The following HIVEP3 variants were observed in gnomAD, a reference collection of about 807,000 sequenced individuals.
HIVEP3 encodes HIVEP zinc finger 3.
Under a neutral mutation model 152.8 loss-of-function variants are expected in HIVEP3, and 49 were observed. That is an observed-to-expected ratio of 0.32 (90% CI 0.26 to 0.41). HIVEP3 has a LOEUF of 0.41. Among genes scored for constraint, HIVEP3 ranks in the 10% least tolerant of loss-of-function variants. The pLI is 1.00. For missense variants in HIVEP3, 2,790 were observed against 3,103.3 expected (o/e 0.90, Z 2.40); for synonymous variants, 1,269 against 1,289.0 (o/e 0.98, Z 0.33).
chr1:41,867,387 TATAA>T (rs1216443784), intron 1 of HIVEP3, among the ~76,000 whole-genome samples: 5 of 152,182 alleles, frequency 3.3e-5, no homozygotes, highest in Non-Finnish European at 5.9e-5. Flanking sequence ...TGAGGTGCCA[TATAA>T]AAACAGGCGG....
intron 1 of HIVEP3, among the ~76,000 whole-genome samples, chr1:41,711,880 T>G (rs1467020286): frequency 7.9e-5 from 12 of 152,210 alleles, no homozygotes; most frequent in Admixed American, 7.8e-4. Context: ...TAATTGCTCA[T>G]AAAAGGGAAG....
chr1:41,817,071 C>T (rs1191619352), intron 1 of HIVEP3, among the ~76,000 whole-genome samples: 1 of 152,234 alleles, frequency 6.6e-6, no homozygotes, highest in East Asian at 1.9e-4. Flanking sequence ...GCAGGGATTA[C>T]ATCACTCACT....
rs78299700 is a variant in HIVEP3 at position 41,949,478 on chromosome 1, G to A, written n.120-30954C>T. ...AAGAGCTTTAGACTTTAGGCTAATCGCCAAAAGAGGGGGAACCTGTTTATT... is the reference window on the plus strand; with the variant it reads ...AAGAGCTTTAGACTTTAGGCTAATCACCAAAAGAGGGGGAACCTGTTTATT... On this transcript the variant is annotated intron_variant and non_coding_transcript_variant, in intron 1 of 3. Transcript: ENST00000489103. Among the ~76,000 whole-genome samples the A allele has an allele frequency of 2.2e-4, 34 of 152,230 alleles. No individual in the cohort carries two copies. The East Asian group carries it at 5.4e-3, about 24-fold the overall frequency.
chr1:41,549,810 C>T (rs1329366301), intron 5 of HIVEP3, among the ~76,000 whole-genome samples: 5 of 152,064 alleles, frequency 3.3e-5, no homozygotes, highest in African/African-American at 1.2e-4. Flanking sequence ...AAAATTTTCT[C>T]CAATTTTGTA....
chr1:41,689,010 T>C (rs1462911395), intron 2 of HIVEP3, among the ~76,000 whole-genome samples: 1 of 152,214 alleles, frequency 6.6e-6, no homozygotes, highest in African/African-American at 2.4e-5. Context: ...CTTAGGACAC[T>C]GTATTTCCAA....
chr1:41,521,366 A>G (rs981585060), intron 6 of HIVEP3, among the ~76,000 whole-genome samples: 1 of 152,230 alleles, frequency 6.6e-6, no homozygotes, highest in Non-Finnish European at 1.5e-5. Context: ...AGAAGGCACC[A>G]GGGAGCCCCC....
intron 1 of HIVEP3, among the ~76,000 whole-genome samples, chr1:41,759,449 C>T (rs1341945503): frequency 6.6e-6 from 1 of 152,110 alleles, no homozygotes; most frequent in Non-Finnish European, 1.5e-5. Flanking sequence ...GTTATTTCCA[C>T]CTTTTGGCTA....
At chr1:41,646,201 T>C (rs1372981009) in intron 2 of HIVEP3, among the ~76,000 whole-genome samples, 1 of 152,114 alleles carries the variant, frequency 6.6e-6, no homozygotes, top group Non-Finnish European at 1.5e-5. Context: ...AGGAGAGCAG[T>C]GTCTTCAAAG....
chr1:41,796,042 C>T (rs753173999), intron 1 of HIVEP3, among the ~76,000 whole-genome samples: 8 of 152,114 alleles, frequency 5.3e-5, no homozygotes, highest in East Asian at 1.9e-4. Flanking sequence ...GCTCTTTCAG[C>T]GGACAGAACT....
At chr1:41,655,414 C>G (rs1645613520) in intron 2 of HIVEP3, among the ~76,000 whole-genome samples, 1 of 151,954 alleles carries the variant, frequency 6.6e-6, no homozygotes, top group Non-Finnish European at 1.5e-5. Flanking sequence ...GAAACCCTGT[C>G]TCTACTAAAC....
chr1:41,889,364 G>A (rs1181216759), intron 1 of HIVEP3, among the ~76,000 whole-genome samples: 3 of 152,150 alleles, frequency 2.0e-5, no homozygotes, highest in Non-Finnish European at 2.9e-5. Flanking sequence ...AGGAGTTGTG[G>A]AGTCACTGAC....
At chr1:41,758,845 C>T (rs1647482140) in intron 1 of HIVEP3, among the ~76,000 whole-genome samples, 1 of 152,156 alleles carries the variant, frequency 6.6e-6, no homozygotes, top group South Asian at 2.1e-4. Flanking sequence ...TCTTAGACAC[C>T]TCCCTTTTAG....
chr1:41,599,624 G>C (rs1644716968), intron 3 of HIVEP3, among the ~76,000 whole-genome samples: 2 of 152,110 alleles, frequency 1.3e-5, no homozygotes, highest in Non-Finnish European at 2.9e-5. Context: ...TAAAACTATA[G>C]AACTCTTAGA....
chr1:41,686,621 A>G (rs973506203), intron 2 of HIVEP3, among the ~76,000 whole-genome samples: 6 of 152,128 alleles, frequency 3.9e-5, no homozygotes, highest in Non-Finnish European at 7.4e-5. Flanking sequence ...ACTGACTGGA[A>G]CCATGCAAAA....
Position 41,998,810 on chromosome 1 carries a change from T to A in HIVEP3, n.119+36997A>T, listed in dbSNP as rs184976044. Among the ~76,000 whole-genome samples, 300 of 152,154 alleles carry A rather than the reference T, an allele frequency of 2.0e-3. 1 individual carries two copies. The highest frequency in any genetic ancestry group is 6.7e-3 in the African/African-American group (279 of 41,512). ...AGCTATCATTATCACTTCCTTCATGTGATTTTGCCACTCTTATTTTGATAG... is the reference window on the plus strand; with the variant it reads ...AGCTATCATTATCACTTCCTTCATGAGATTTTGCCACTCTTATTTTGATAG... On this transcript the variant is annotated intron_variant and non_coding_transcript_variant, in intron 1 of 3. Transcript: ENST00000489103.
Position 41,648,100 on chromosome 1 carries a change from C to T in HIVEP3, c.-720-19153G>A, listed in dbSNP as rs560008278. On this transcript the variant is annotated intron_variant, in intron 2 of 8. Coordinates refer to ENST00000372583, the MANE Select transcript of HIVEP3 (RefSeq NM_024503.5). The stretch of plus-strand genomic sequence containing the variant: ...AGGTTTTTTCCTTAGAACAAGATCT[C>T]ACCCACTGCAGGGGCTGAAACATTT... 9.2e-5 allele frequency among the ~76,000 whole-genome samples: 14 copies of T among 152,358 alleles called. No homozygotes were observed. In the South Asian group the frequency reaches 1.4e-3, roughly 16 times the overall value.
At chr1:41,917,031 C>G (rs1488565200) in intron 1 of HIVEP3, among the ~76,000 whole-genome samples, 2 of 152,156 alleles carry the variant, frequency 1.3e-5, no homozygotes, top group African/African-American at 4.8e-5. Flanking sequence ...GAGGGACACA[C>G]GATCACTGAC....
At chr1:41,876,296 G>T (rs1033965385) in intron 1 of HIVEP3, among the ~76,000 whole-genome samples, 1 of 152,162 alleles carries the variant, frequency 6.6e-6, no homozygotes, top group African/African-American at 2.4e-5. Flanking sequence ...CAAAGAGATA[G>T]GTGAAGATAG....
At chr1:42,020,493 A>AT (rs11403967) in intron 1 of HIVEP3, among the ~76,000 whole-genome samples, 2 of 151,882 alleles carry the variant, frequency 1.3e-5, no homozygotes, top group Non-Finnish European at 2.9e-5. Context: ...GTATGTTGGC[A>AT]AAAACTGTTC....
Sources: gnomAD v4.1 joint callset for allele counts (sites outside exome capture counted in the v4.1 genomes callset) on GRCh38, gnomAD v4.1.1 for gene constraint, MANE v1.5 for transcripts, NCBI Gene and HGNC (gene_info 2026-07-23, HGNC 2026-07-21) for gene names.